Variants in CAMTA1 observed in about 807,000 individuals in gnomAD.
CAMTA1 encodes calmodulin-binding transcription activator 1.
A neutral mutation model predicts 170.9 loss-of-function variants in CAMTA1; 27 were observed. That is an observed-to-expected ratio of 0.16 (90% CI 0.12 to 0.22). The LOEUF is 0.22. Ranked by LOEUF, CAMTA1 falls within the 10% of genes least tolerant of loss-of-function variation. CAMTA1 has a pLI of 1.00. For synonymous variants in CAMTA1, 833 were observed against 891.5 expected, an observed-to-expected ratio of 0.93 and a Z score of 1.17; for missense variants, 1,619 against 2,217.2, an observed-to-expected ratio of 0.73 and a Z score of 5.42.
chr1:7,243,151 TAC>T (rs1665185276), intron 4 of CAMTA1, among the ~76,000 whole-genome samples: 1 of 152,172 alleles, frequency 6.6e-6, no homozygotes, highest in Non-Finnish European at 1.5e-5. Context: ...ACTTTTCTCA[TAC>T]GTGTTAATAG....
At chr1:7,394,977 G>T (rs1050279098) in intron 5 of CAMTA1, among the ~76,000 whole-genome samples, 1 of 151,956 alleles carries the variant, frequency 6.6e-6, no homozygotes, top group African/African-American at 2.4e-5. Flanking sequence ...CTGCCTCCTG[G>T]GTTCAAGCTA....
At position 7,075,820 on chromosome 1, in the gene CAMTA1, G is replaced by A. The variant is rs192852682; in HGVS notation, c.235-15484G>A. Among the ~76,000 whole-genome samples, 153 of 152,092 alleles carry A rather than the reference G, an allele frequency of 1.0e-3. 1 individual carries two copies. Among genetic ancestry groups the A allele is most frequent in the African/African-American group, 3.4e-3 (139 of 41,472 alleles). On this transcript the variant is annotated intron_variant, in intron 3 of 22. Transcript: ENST00000303635. ...TGGGATTACAGGTGTGTGCCACCAC[G>A]CCCGGCTAATTTTTGTATTTTTAGT... is the stretch of plus-strand genomic sequence containing the variant.
chr1:7,437,305 T>C (rs774338026), intron 5 of CAMTA1, among the ~76,000 whole-genome samples: 1 of 152,148 alleles, frequency 6.6e-6, no homozygotes, highest in Non-Finnish European at 1.5e-5. Context: ...CAGGGATCCA[T>C]CCTGCCACCC....
At chr1:7,704,083 C>G (rs2096474796) in intron 11 of CAMTA1, among the ~76,000 whole-genome samples, 1 of 151,876 alleles carries the variant, frequency 6.6e-6, no homozygotes, top group African/African-American at 2.4e-5. Flanking sequence ...GGCCCCGGCC[C>G]CCTCCCTCCA....
rs1329416456 is a variant in CAMTA1 at position 7,745,928 on chromosome 1, A to G, written c.4454A>G (p.Glu1485Gly). The G allele has an allele frequency of 6.2e-7, 1 of 1,614,218 alleles. No homozygotes were observed. Residue 1485 changes from glutamate to glycine, a missense_variant, in exon 18 of 23, where the codon GAG (glutamate) becomes GGG (glycine). Glu to Gly is a moderately conservative substitution (Grantham distance 98, BLOSUM62 -2). Transcript: ENST00000303635. ...TCTCCCGTCAGTGAAATCGCTTTCGAGAAACCTAACCTTCCCTCCGCCGCG... is the reference window on the plus strand; with the variant it reads ...TCTCCCGTCAGTGAAATCGCTTTCGGGAAACCTAACCTTCCCTCCGCCGCG... Reference protein sequence around the residue: ...VGSPVSEIAFEKPNLPSAADW... With the variant: ...VGSPVSEIAFGKPNLPSAADW...
rs1404986525 is a variant in CAMTA1, at chr1:7,680,809, C to G, written c.2914+3076C>G. 5.2e-5 allele frequency among the ~76,000 whole-genome samples: 5 copies of G among 95,728 alleles called. No homozygotes were observed. Among genetic ancestry groups the G allele is most frequent in the Admixed American group, 2.3e-4 (2 of 8,824 alleles). 62.8% of individuals were successfully genotyped at this position (95,728 alleles called of 152,430 possible). On this transcript the variant is annotated intron_variant, in intron 11 of 22. Coordinates refer to ENST00000303635, the MANE Select transcript of CAMTA1 (RefSeq NM_015215.4). This position sits in a 1 kb window ranked among gnomAD's most constrained non-coding sequence, Gnocchi z 4.4. The stretch of plus-strand genomic sequence containing the variant: ...TGAATTTGTTTGCTTGGCTAAAGGC[C>G]GGGGGGGGGCGTGGGTCCGGGGCGC...
chr1:6,854,240 C>G (rs560211998), intron 3 of CAMTA1, among the ~76,000 whole-genome samples: 1 of 152,104 alleles, frequency 6.6e-6, no homozygotes, highest in South Asian at 2.1e-4. Flanking sequence ...ATTACTGTTT[C>G]TATGTTTATA....
At position 7,732,340 on chromosome 1, in the gene CAMTA1, G is replaced by A; in HGVS notation, c.2915-108G>A. 2.2e-6 allele frequency: 2 copies of A among 901,762 alleles called. No individual in the cohort carries two copies. The highest frequency in any genetic ancestry group is 3.0e-5 in the South Asian group (2 of 66,512). The allele number at this position is 901,762 out of a possible 1,614,324, so 55.9% of individuals were successfully genotyped here. A position where few individuals can be genotyped will look rare whatever the true frequency, so the allele number is the denominator to read the frequency against. On this transcript the variant is annotated intron_variant, in intron 11 of 22. Coordinates refer to ENST00000303635, the MANE Select transcript of CAMTA1 (RefSeq NM_015215.4). The surrounding 1 kb of genome is among the most constrained non-coding windows in gnomAD (Gnocchi z 4.1). ...CTGGCGGAGACCTCTCTGGTTTGGT[G>A]AAGTTACGGACGGCATTTGGATGCT... is the stretch of plus-strand genomic sequence containing the variant.
intron 3 of CAMTA1, among the ~76,000 whole-genome samples, chr1:6,989,403 T>G (rs1439004734): frequency 6.6e-6 from 1 of 152,250 alleles, no homozygotes; most frequent in African/African-American, 2.4e-5. Context: ...CGCTCTCTTG[T>G]CATGTCAGCT....
chr1:6,956,447 T>G lies in CAMTA1; in HGVS notation c.234+131237T>G, dbSNP rs1008019762. Among the ~76,000 whole-genome samples the G allele has an allele frequency of 1.3e-5, 2 of 152,192 alleles. 1 individual carries two copies. The highest frequency in any genetic ancestry group is 2.9e-5 in the Non-Finnish European group (2 of 68,034). ...ACTCTCTTTGGCTGGTCCTCTTCAC[T>G]CTCTTGTTTACCATTTGCTGTTAAC... On this transcript the variant is annotated intron_variant, in intron 3 of 22. Coordinates refer to ENST00000303635, the MANE Select transcript of CAMTA1 (RefSeq NM_015215.4).
At chr1:7,423,570 G>T (rs889153174) in intron 5 of CAMTA1, among the ~76,000 whole-genome samples, 5 of 150,834 alleles carry the variant, frequency 3.3e-5, no homozygotes, top group Admixed American at 1.3e-4. Flanking sequence ...ATTCTCTATT[G>T]TTCTACTTAG....
intron 3 of CAMTA1, among the ~76,000 whole-genome samples, chr1:7,018,809 T>C (rs1363913172): frequency 6.6e-6 from 1 of 152,186 alleles, no homozygotes; most frequent in Non-Finnish European, 1.5e-5. Context: ...TCCTTTCCCT[T>C]TCCAGCCATT....
chr1:7,049,366 C>G (rs1231397196), intron 3 of CAMTA1, among the ~76,000 whole-genome samples: 1 of 152,224 alleles, frequency 6.6e-6, no homozygotes, highest in Admixed American at 6.5e-5. Context: ...CACGTACATC[C>G]TCTATTCTGG....
chr1:7,286,588 AT>A lies in CAMTA1; in HGVS notation c.438+36966del, dbSNP rs1672381869. ...AGAATCATTGTAGTATCAATGCAGG[AT>A]TTTGGCAGCAATGCGTTTCTATAAG... On this transcript the variant is annotated intron_variant, in intron 5 of 22. Coordinates refer to ENST00000303635, the MANE Select transcript of CAMTA1 (RefSeq NM_015215.4). The surrounding 1 kb of genome is among the most constrained non-coding windows in gnomAD (Gnocchi z 4.2). 6.6e-6 allele frequency among the ~76,000 whole-genome samples: 1 copy of A among 152,156 alleles called. No homozygotes were observed. Among genetic ancestry groups the A allele is most frequent in the Non-Finnish European group, 1.5e-5 (1 of 68,038 alleles).
intron 4 of CAMTA1, chr1:7,219,452 G>A (rs1660331689): frequency 6.9e-6 from 1 of 143,984 alleles, no homozygotes; most frequent in South Asian, 2.2e-4. Context: ...GTTGACCCTT[G>A]TGATTTCCCC....
At chr1:7,350,529 C>G (rs894786331) in intron 5 of CAMTA1, among the ~76,000 whole-genome samples, 1 of 152,218 alleles carries the variant, frequency 6.6e-6, no homozygotes, top group African/African-American at 2.4e-5. Flanking sequence ...TAGAAGCCAG[C>G]CGTGTGGCCT....
In CAMTA1 at chr1:7,385,974, G is replaced by C. The variant is rs186650415; in HGVS notation, c.439-81856G>C. ...GGGCCTCTGGGCACCTGGGTGTTGC[G>C]TGTGCCTCCCCCATGCTAAGGGTGC... On this transcript the variant is annotated intron_variant, in intron 5 of 22. Coordinates refer to ENST00000303635, the MANE Select transcript of CAMTA1 (RefSeq NM_015215.4). Among the ~76,000 whole-genome samples, 54 of 152,268 alleles carry C rather than the reference G, an allele frequency of 3.5e-4. No individual in the cohort carries two copies. The East Asian group carries it at 0.01, about 29-fold the overall frequency.
intron 3 of CAMTA1, among the ~76,000 whole-genome samples, chr1:6,893,523 G>T (rs1180900073): frequency 2.6e-5 from 4 of 152,232 alleles, no homozygotes; most frequent in Non-Finnish European, 4.4e-5. Context: ...AAGAGGGTGG[G>T]TAACCACTGA....
chr1:7,368,862 G>A (rs1215313922), intron 5 of CAMTA1: 1 of 152,300 alleles, frequency 6.6e-6, no homozygotes, highest in Non-Finnish European at 1.5e-5. Flanking sequence ...CAGAGCCTGG[G>A]CTGTCCTGCC....
Sources: allele counts gnomAD v4.1 joint callset (sites outside exome capture counted in the v4.1 genomes callset), GRCh38; gene constraint gnomAD v4.1.1; non-coding constraint Gnocchi (gnomAD v3.1); transcripts MANE v1.5; gene names NCBI Gene and HGNC (gene_info 2026-07-23, HGNC 2026-07-21).